The following ARHGEF38 variants were observed in gnomAD, a reference collection of about 807,000 sequenced individuals.
ARHGEF38 encodes Rho guanine nucleotide exchange factor 38.
In ARHGEF38, 79 loss-of-function variants were observed where a neutral mutation model predicts 79.9. That is an observed-to-expected ratio of 0.99 (90% confidence interval 0.82 to 1.19). The LOEUF (loss-of-function observed/expected upper bound fraction) is 1.19, where lower values mean the gene tolerates loss of function less well. Among genes scored for constraint, ARHGEF38 ranks in the 50% most tolerant of loss-of-function variants. The pLI is 0.00. For missense variants in ARHGEF38, 962 were observed against 907.2 expected (o/e 1.06, Z -0.78); for synonymous variants, 366 against 328.3 (o/e 1.11, Z -1.24).
At chr4:105,599,693 G>A (rs1256511273) in intron 2 of ARHGEF38, among the ~76,000 whole-genome samples, 5 of 152,114 alleles carry the variant, frequency 3.3e-5, no homozygotes, top group Admixed American at 6.6e-5. Flanking sequence ...ATCAGTACAG[G>A]GCGATAAATC....
intron 2 of ARHGEF38, among the ~76,000 whole-genome samples, chr4:105,598,068 G>A (rs1364153027): frequency 6.6e-6 from 1 of 151,676 alleles, no homozygotes; most frequent in Non-Finnish European, 1.5e-5. Flanking sequence ...TAAGAATAAG[G>A]GTACACATTC....
At chr4:105,606,331 T>C (rs917040519) in intron 2 of ARHGEF38, among the ~76,000 whole-genome samples, 2 of 152,058 alleles carry the variant, frequency 1.3e-5, no homozygotes, top group African/African-American at 4.8e-5. Context: ...CTGTTTATTT[T>C]CTCCCTTCTT....
rs1276572915 is a variant in ARHGEF38, at chr4:105,677,971, G to A, written c.*34G>A. 1 of 1,459,524 alleles carries A rather than the reference G, an allele frequency of 6.9e-7. No homozygotes were observed. Among genetic ancestry groups the A allele is most frequent in the African/African-American group, 1.4e-5 (1 of 70,944 alleles). The allele number at this position is 1,459,524 out of a possible 1,614,324, so 90.4% of individuals were successfully genotyped here. A position where few individuals can be genotyped will look rare whatever the true frequency, so the allele number is the denominator to read the frequency against. On this transcript the variant is annotated 3_prime_UTR_variant, in exon 14 of 14. Coordinates refer to ENST00000420470, the MANE Select transcript of ARHGEF38 (RefSeq NM_001242729.2). ...GCCTTCAACTTTTATTTTCCAGCAA[G>A]TTGTTGATTGACTACCTCATAAAAC... is the stretch of plus-strand genomic sequence containing the variant.
intron 2 of ARHGEF38, among the ~76,000 whole-genome samples, chr4:105,591,192 T>A (rs1353012122): frequency 6.6e-6 from 1 of 152,102 alleles, no homozygotes; most frequent in Non-Finnish European, 1.5e-5. Context: ...CAGGAGCAGA[T>A]TTTATATTTC....
At chr4:105,649,315 A>G (rs1477409367) in intron 7 of ARHGEF38, among the ~76,000 whole-genome samples, 1 of 152,172 alleles carries the variant, frequency 6.6e-6, no homozygotes, top group African/African-American at 2.4e-5. Context: ...AGACTCTTAA[A>G]CTTTAATGTG....
intron 2 of ARHGEF38, among the ~76,000 whole-genome samples, chr4:105,605,488 A>C (rs1344671367): frequency 6.6e-6 from 1 of 152,114 alleles, no homozygotes; most frequent in Non-Finnish European, 1.5e-5. Flanking sequence ...TGTCCACATT[A>C]GTATCTTCTG....
chr4:105,621,124 C>G (rs559676914), intron 3 of ARHGEF38, among the ~76,000 whole-genome samples: 1 of 152,250 alleles, frequency 6.6e-6, no homozygotes, highest in African/African-American at 2.4e-5. Flanking sequence ...TTAGTCATCT[C>G]GGACATTAAA....
intron 1 of ARHGEF38, 68 bp from the exon 2 acceptor site, chr4:105,589,180 G>C: frequency 7.5e-7 from 1 of 1,333,662 alleles, no homozygotes; most frequent in East Asian, 2.4e-5. Flanking sequence ...CTTCGAAGGC[G>C]TTGTTTGTAA....
intron 3 of ARHGEF38, among the ~76,000 whole-genome samples, chr4:105,615,156 G>A (rs1262013415): frequency 6.6e-6 from 1 of 152,184 alleles, no homozygotes; most frequent in Non-Finnish European, 1.5e-5. Flanking sequence ...TGGAGTGAAG[G>A]ACAGATGTAA....
At chr4:105,590,957 G>T (rs1231851294) in intron 2 of ARHGEF38, among the ~76,000 whole-genome samples, 2 of 151,842 alleles carry the variant, frequency 1.3e-5, no homozygotes, top group Non-Finnish European at 2.9e-5. Flanking sequence ...TATTTTATAA[G>T]AACTTTCTGT....
intron 1 of ARHGEF38, among the ~76,000 whole-genome samples, chr4:105,578,474 T>C (rs1188229420): frequency 6.6e-6 from 1 of 152,182 alleles, no homozygotes; most frequent in East Asian, 1.9e-4. Flanking sequence ...TGTTGTTTCT[T>C]TGTTGACTTT....
chr4:105,585,822 G>T (rs548730036), intron 1 of ARHGEF38, among the ~76,000 whole-genome samples: 1 of 127,614 alleles, frequency 7.8e-6, no homozygotes, highest in Admixed American at 1.0e-4. Context: ...ATCTCCGCCT[G>T]GTGGGTTCAA....
intron 5 of ARHGEF38, among the ~76,000 whole-genome samples, chr4:105,637,828 A>G (rs558054294): frequency 6.6e-6 from 1 of 152,274 alleles, no homozygotes; most frequent in South Asian, 2.1e-4. Flanking sequence ...TAAACAGTTC[A>G]TTGTATTGAA....
intron 2 of ARHGEF38, among the ~76,000 whole-genome samples, chr4:105,599,686 A>G (rs1176404000): frequency 6.6e-6 from 1 of 152,218 alleles, no homozygotes. Flanking sequence ...CATGCATATC[A>G]GTACAGGGCG....
rs71586108 is a variant in ARHGEF38 at position 105,648,819 on chromosome 4, CCTCT to C, written c.1008+162_1008+165del. On this transcript the variant is annotated intron_variant, in intron 7 of 13. Coordinates refer to ENST00000420470, the MANE Select transcript of ARHGEF38 (RefSeq NM_001242729.2). The stretch of plus-strand genomic sequence containing the variant: ...TTGCCCTATGCTGTTCTCTTGTCTC[CCTCT>C]CTCTCTCTCTCTCTCTCTCTCTCTT... 2,316 of 486,592 alleles carry C rather than the reference CCTCT, an allele frequency of 4.8e-3. 1 individual carries two copies. Among genetic ancestry groups the C allele is most frequent in the Admixed American group, 7.8e-3 (171 of 21,930 alleles). The allele number at this position is 486,592 out of a possible 1,614,324, so 30.1% of individuals were successfully genotyped here. A position where few individuals can be genotyped will look rare whatever the true frequency, so the allele number is the denominator to read the frequency against.
In ARHGEF38 at chr4:105,679,072, C is replaced by T. The variant is rs1261642809; in HGVS notation, c.*1135C>T. The T allele has an allele frequency of 4.2e-6, 2 of 479,488 alleles. No homozygotes were observed. The highest frequency in any genetic ancestry group is 6.7e-6 in the Non-Finnish European group (2 of 299,852). The allele number at this position is 479,488 out of a possible 1,614,324, so 29.7% of individuals were successfully genotyped here. On this transcript the variant is annotated 3_prime_UTR_variant, in exon 14 of 14. Transcript: ENST00000420470. ...TACTCAGTCAAAACTCCATTTGTGG[C>T]CCCCACTTCTTGATCTATTTCTGTT...
intron 1 of ARHGEF38, among the ~76,000 whole-genome samples, chr4:105,571,085 G>T (rs1238080751): frequency 1.3e-5 from 2 of 152,104 alleles, no homozygotes; most frequent in South Asian, 2.1e-4. Flanking sequence ...AAACATTCTG[G>T]AGACGTTTGG....
At chr4:105,639,670 T>C (rs1314245992) in intron 5 of ARHGEF38, among the ~76,000 whole-genome samples, 1 of 152,078 alleles carries the variant, frequency 6.6e-6, no homozygotes, top group Non-Finnish European at 1.5e-5. Context: ...AAATTTACCA[T>C]GTACTCTATT....
rs1286784695 is a variant in ARHGEF38 at position 105,645,168 on chromosome 4, A to G, written c.675-20A>G. 2 of 1,344,300 alleles carry G rather than the reference A, an allele frequency of 1.5e-6. No individual in the cohort carries two copies. The highest frequency in any genetic ancestry group is 1.9e-6 in the Non-Finnish European group (2 of 1,043,318). 83.3% of individuals were successfully genotyped at this position (1,344,300 alleles called of 1,614,324 possible). A position where few individuals can be genotyped will look rare whatever the true frequency, so the allele number is the denominator to read the frequency against. On this transcript the variant is annotated intron_variant, in intron 5 of 13. Coordinates refer to ENST00000420470, the MANE Select transcript of ARHGEF38 (RefSeq NM_001242729.2). ...TAAAACATATGTTTGTGAAACTGAT[A>G]TTATTTATCTGTATTGTAGAGGCAA...
Sources: allele counts gnomAD v4.1 joint callset (sites outside exome capture counted in the v4.1 genomes callset), GRCh38; gene constraint gnomAD v4.1.1; transcripts MANE v1.5; gene names NCBI Gene and HGNC (gene_info 2026-07-23, HGNC 2026-07-21).